ZNF277: variants seen among roughly 807,000 people sequenced by gnomAD.
ZNF277 encodes zinc finger protein 277.
Under a neutral mutation model 60.7 loss-of-function variants are expected in ZNF277, and 55 were observed. That is an observed-to-expected ratio of 0.91 (90% CI 0.73 to 1.13). ZNF277 has a LOEUF of 1.13. ZNF277 is among the 50% of genes most tolerant of loss of function. The pLI is 0.00. For missense variants in ZNF277, 510 were observed against 523.0 expected, an observed-to-expected ratio of 0.98 and a Z score of 0.24; for synonymous variants, 178 against 179.3, an observed-to-expected ratio of 0.99 and a Z score of 0.06.
At chr7:112,318,999 C>G (rs879477393) in intron 5 of ZNF277, among the ~76,000 whole-genome samples, 3 of 152,060 alleles carry the variant, frequency 2.0e-5, no homozygotes, top group Admixed American at 2.0e-4. Flanking sequence ...ACAAATTGGG[C>G]AGGGTCTGAG....
chr7:112,244,481 C>T (rs936817557), intron 1 of ZNF277, among the ~76,000 whole-genome samples: 12 of 152,062 alleles, frequency 7.9e-5, no homozygotes, highest in African/African-American at 1.9e-4. Flanking sequence ...TAATTTAAAT[C>T]GCATATACTT....
At chr7:112,227,445 A>G (rs552031809) in intron 1 of ZNF277, among the ~76,000 whole-genome samples, 2 of 152,318 alleles carry the variant, frequency 1.3e-5, no homozygotes, top group African/African-American at 4.8e-5. Context: ...GAAGTGAGGT[A>G]CAGAAACAGC....
At chr7:112,231,389 A>G (rs1822325601) in intron 1 of ZNF277, among the ~76,000 whole-genome samples, 1 of 152,180 alleles carries the variant, frequency 6.6e-6, no homozygotes, top group Non-Finnish European at 1.5e-5. Flanking sequence ...TTACATTCAT[A>G]TCTACTGCAA....
intron 2 of ZNF277, among the ~76,000 whole-genome samples, chr7:112,290,222 GT>G (rs1386324784): frequency 1.3e-5 from 2 of 152,170 alleles, no homozygotes; most frequent in African/African-American, 4.8e-5. Context: ...TAATTGAATA[GT>G]TTAAGATTTT....
chr7:112,296,923 T>A (rs1438644448), intron 4 of ZNF277, among the ~76,000 whole-genome samples: 7,201 of 74,680 alleles, frequency 0.096, 518 homozygotes, highest in East Asian at 0.22. Flanking sequence ...TTTTTTTTTT[T>A]TTTTTTTTTT....
intron 5 of ZNF277, 34 bp downstream of exon 5, chr7:112,318,307 T>C (rs1314530156): frequency 2.5e-6 from 4 of 1,577,484 alleles, no homozygotes; most frequent in African/African-American, 1.3e-5. Context: ...TGTTACTGTT[T>C]TTAATCTGAA....
At chr7:112,252,655 G>C (rs1791225841) in intron 1 of ZNF277, among the ~76,000 whole-genome samples, 1 of 152,144 alleles carries the variant, frequency 6.6e-6, no homozygotes, top group Non-Finnish European at 1.5e-5. Context: ...CCTTGGGCCT[G>C]AAACTAAACA....
At chr7:112,284,663 G>T (rs1051619813) in intron 1 of ZNF277, among the ~76,000 whole-genome samples, 1 of 151,862 alleles carries the variant, frequency 6.6e-6, no homozygotes, top group Admixed American at 6.6e-5. Flanking sequence ...AATATTCTCC[G>T]TACTGTCATG....
At chr7:112,339,920 T>G in intron 10 of ZNF277, 35 bp downstream of exon 10, 1 of 1,597,576 alleles carries the variant, frequency 6.3e-7, no homozygotes, top group Non-Finnish European at 8.5e-7. Flanking sequence ...TCTGTGATGC[T>G]TCATTTTTTA....
At chr7:112,330,476 A>G in intron 7 of ZNF277, 1 of 452,554 alleles carries the variant, frequency 2.2e-6, no homozygotes. Flanking sequence ...AAAAAAAAAT[A>G]CAGCATTTGG....
rs564968453 is a variant in ZNF277, at chr7:112,332,645, G to A, written c.801+2429G>A. On this transcript the variant is annotated intron_variant, in intron 7 of 11. Coordinates refer to ENST00000361822, the MANE Select transcript of ZNF277 (RefSeq NM_021994.3). The stretch of plus-strand genomic sequence containing the variant: ...TCCACAATCTTCATCTTCCTAGCCC[G>A]TTTCCACTTCCTATTCCTATTCCCT... 2.8e-4 allele frequency among the ~76,000 whole-genome samples: 42 copies of A among 152,246 alleles called. 2 individuals are homozygous for A. In the South Asian group the frequency reaches 5.8e-3, roughly 21 times the overall value.
At chr7:112,306,791 AT>A (rs1446475749) in intron 4 of ZNF277, among the ~76,000 whole-genome samples, 1 of 152,006 alleles carries the variant, frequency 6.6e-6, no homozygotes, top group Admixed American at 6.6e-5. Context: ...TAATATTTAA[AT>A]CTTTTAACAC....
intron 1 of ZNF277, among the ~76,000 whole-genome samples, chr7:112,285,293 G>A (rs1054374889): frequency 6.6e-6 from 1 of 151,850 alleles, no homozygotes; most frequent in Non-Finnish European, 1.5e-5. Flanking sequence ...GCCTCCCAAA[G>A]TGCTGGGATT....
chr7:112,310,514 C>T (rs1792706858), intron 4 of ZNF277, among the ~76,000 whole-genome samples: 1 of 127,842 alleles, frequency 7.8e-6, no homozygotes, highest in East Asian at 2.1e-4. Context: ...TTTTTATTTG[C>T]AATGTAGGTG....
intron 1 of ZNF277, among the ~76,000 whole-genome samples, chr7:112,232,576 T>C (rs1248718533): frequency 2.6e-5 from 4 of 152,210 alleles, no homozygotes; most frequent in Admixed American, 2.6e-4. Context: ...AAAGGTATTA[T>C]AGCAAGGATT....
intron 4 of ZNF277, among the ~76,000 whole-genome samples, chr7:112,310,138 C>T (rs1455359697): frequency 6.6e-6 from 1 of 152,064 alleles, no homozygotes; most frequent in Admixed American, 6.6e-5. Context: ...CAGCTCCCCT[C>T]CCTTCCCAGG....
At chr7:112,208,105 G>A (rs964066072) in intron 1 of ZNF277, among the ~76,000 whole-genome samples, 1 of 152,174 alleles carries the variant, frequency 6.6e-6, no homozygotes, top group Non-Finnish European at 1.5e-5. Context: ...GGCCGGGCAC[G>A]GTGGCTCACC....
At chr7:112,256,167 G>A (rs998200794) in intron 1 of ZNF277, among the ~76,000 whole-genome samples, 3 of 152,088 alleles carry the variant, frequency 2.0e-5, no homozygotes, top group Admixed American at 6.6e-5. Flanking sequence ...CATGGCACAC[G>A]TAAATCATGG....
At chr7:112,309,186 C>T (rs1312822300) in intron 4 of ZNF277, among the ~76,000 whole-genome samples, 3 of 151,922 alleles carry the variant, frequency 2.0e-5, no homozygotes, top group Admixed American at 2.0e-4. Context: ...GCTGACTATG[C>T]AGTTTTTACA....
Sources: gnomAD v4.1 joint callset for allele counts (sites outside exome capture counted in the v4.1 genomes callset) on GRCh38, gnomAD v4.1.1 for gene constraint, MANE v1.5 for transcripts, NCBI Gene and HGNC (gene_info 2026-07-23, HGNC 2026-07-21) for gene names.